HLA-DQB2: variants seen among roughly 807,000 people sequenced by gnomAD.
HLA-DQB2 encodes HLA class II histocompatibility antigen, DQ beta 2 chain.
In HLA-DQB2, 24 loss-of-function variants were observed where a neutral mutation model predicts 29.2. That is an observed-to-expected ratio of 0.82 (90% CI 0.60 to 1.16). The LOEUF (loss-of-function observed/expected upper bound fraction) is 1.16. Ranked by LOEUF, HLA-DQB2 falls within the 50% of genes most tolerant of loss-of-function variation. HLA-DQB2 has a pLI of 0.00. For synonymous variants in HLA-DQB2, 104 were observed against 133.1 expected, an observed-to-expected ratio of 0.78 and a Z score of 1.51; for missense variants, 273 against 343.6, an observed-to-expected ratio of 0.79 and a Z score of 1.62.
At chr6:32,760,987 T>C (rs1214690846) in intron 2 of HLA-DQB2, among the ~76,000 whole-genome samples, 1 of 152,242 alleles carries the variant, frequency 6.6e-6, no homozygotes, top group Non-Finnish European at 1.5e-5. Context: ...TAACAGAAGA[T>C]CATTGAGCTC....
chr6:32,757,380 A>C, intron 4 of HLA-DQB2, 76 bp from the exon 5 acceptor site: 2 of 1,074,692 alleles, frequency 1.9e-6, no homozygotes, highest in Non-Finnish European at 2.8e-6. Flanking sequence ...AAAATGACAC[A>C]TGTAGTTTAA....
chr6:32,756,558 A>C (rs753586408), intron 5 of HLA-DQB2, 92 bp from the exon 6 acceptor site: 13 of 1,531,330 alleles, frequency 8.5e-6, no homozygotes, highest in Non-Finnish European at 1.1e-5. Context: ...AGCATCAAAC[A>C]GAGGATGCTG....
At chr6:32,756,707 G>A in intron 5 of HLA-DQB2, 1 of 1,319,644 alleles carries the variant, frequency 7.6e-7, no homozygotes, top group Non-Finnish European at 9.6e-7. Context: ...AATATGAAGA[G>A]TTTGATTTTT....
At position 32,761,829 on chromosome 6, in the gene HLA-DQB2, G is replaced by T. The variant is rs751869503; in HGVS notation, c.195C>A (p.Tyr65Ter). Residue 65 changes from tyrosine (Y) to a stop codon, truncating the protein, a stop_gained, in exon 2 of 6, where the codon TAC (tyrosine) becomes TAA (stop). Transcript: ENST00000437316. LOFTEE classifies it high-confidence loss of function. ...CCCCAACGTCGCTGTCGAAGCGCCCGTACTCCTCGCGGTTATAGATGTATC... is the reference window on the plus strand; with the variant it reads ...CCCCAACGTCGCTGTCGAAGCGCCCTTACTCCTCGCGGTTATAGATGTATC... ...VARYIYNREEYGRFDSDVGEF... is the reference protein window; with the variant it reads ...VARYIYNREE 1 of 1,606,496 alleles carries T rather than the reference G, an allele frequency of 6.2e-7. No individual in the cohort carries two copies. Among genetic ancestry groups the T allele is most frequent in the Non-Finnish European group, 8.5e-7 (1 of 1,176,440 alleles).
In HLA-DQB2 at chr6:32,757,830, C is replaced by T. The variant is rs754178133; in HGVS notation, c.700G>A (p.Val234Met). The change falls in exon 4 of 6, where the codon GTG (valine) becomes ATG (methionine). Residue 234 changes from valine (V) to methionine (M), a missense_variant. By Grantham distance (21) the Val-to-Met change is conservative (BLOSUM62 1). Coordinates refer to ENST00000437316, the MANE Select transcript of HLA-DQB2 (RefSeq NM_001300790.2). ...AGCCCGAGGAAGATCAGCCCCAGCA[C>T]GAAGCCTCCAATGCCACTCAGCATC... ...SKMLSGIGGF[V>M]LGLIFLGLGL... The T allele has an allele frequency of 3.3e-5, 54 of 1,613,854 alleles. No homozygotes were observed. The highest frequency in any genetic ancestry group is 4.2e-5 in the Non-Finnish European group (49 of 1,179,906).
rs771509689 is a variant in HLA-DQB2, at chr6:32,759,121, T to C, written c.375A>G (p.Thr125=). The change falls in exon 3 of 6, where the codon ACA becomes ACG. Residue 125 remains threonine (T), a synonymous_variant. Transcript: ENST00000437316. ...CTGTCCTGGATGGGGAGATGGTCAC[T>C]GTGGGCTCCACTGAGGGCAGTAACA... ...RTTLQRQVEP[T]VTISPSRTEA... 2.5e-6 allele frequency: 4 copies of C among 1,613,464 alleles called. No individual in the cohort carries two copies. Among genetic ancestry groups the C allele is most frequent in the Non-Finnish European group, 2.5e-6 (3 of 1,179,858 alleles).
At chr6:32,761,987 C>G (rs1764885103) in intron 1 of HLA-DQB2, 61 bp from the exon 2 acceptor site, 2 of 1,558,938 alleles carry the variant, frequency 1.3e-6, no homozygotes, top group Admixed American at 3.8e-5. Flanking sequence ...AGCCCCCAGC[C>G]GGACCGCACC....
chr6:32,756,597 C>T, intron 5 of HLA-DQB2, 131 bp from the exon 6 acceptor site: 1 of 1,468,976 alleles, frequency 6.8e-7, no homozygotes, highest in Non-Finnish European at 9.0e-7. Context: ...CATCACGTTC[C>T]CCAATATCTG....
rs557758826 is a variant in HLA-DQB2, at chr6:32,761,782, A to G, written c.242T>C (p.Leu81Pro). 8 of 1,585,682 alleles carry G rather than the reference A, an allele frequency of 5.0e-6. No homozygotes were observed. In the South Asian group the frequency reaches 9.2e-5, roughly 18 times the overall value. ...DVGEFQAVTE[L>P]GRSIEDWNNY... ...GTTCCAGTCCTCGATGCTCCGCCCCAGCTCGGTCACCGCCTGGAACTCCCC... is the reference window on the plus strand; with the variant it reads ...GTTCCAGTCCTCGATGCTCCGCCCCGGCTCGGTCACCGCCTGGAACTCCCC... The change falls in exon 2 of 6, where the codon CTG becomes CCG. Residue 81 changes from leucine (L) to proline (P), a missense_variant. Transcript: ENST00000437316.
intron 4 of HLA-DQB2, 91 bp downstream of exon 4, chr6:32,757,682 G>A: frequency 8.9e-7 from 1 of 1,126,442 alleles, no homozygotes; most frequent in South Asian, 1.4e-5. Flanking sequence ...TCAGGGTAAG[G>A]AGGAAAGAGC....
chr6:32,756,909 A>G lies in HLA-DQB2; in HGVS notation c.781+372T>C, dbSNP rs186112208. 103 of 1,197,736 alleles carry G rather than the reference A, an allele frequency of 8.6e-5. 1 individual carries two copies. The East Asian group carries it at 3.9e-3, about 46-fold the overall frequency. 74.2% of individuals were successfully genotyped at this position (1,197,736 alleles called of 1,614,324 possible). A position where few individuals can be genotyped will look rare whatever the true frequency, so the allele number is the denominator to read the frequency against. On this transcript the variant is annotated intron_variant, in intron 5 of 5. Transcript: ENST00000437316. The stretch of plus-strand genomic sequence containing the variant: ...AAGTTAAGGCCTGGTTCTAGGAAAC[A>G]ATCTCTGGAGATTCGTAGAAACTGG...
In HLA-DQB2 at chr6:32,758,228, TGGAGGTAGAGCCTGGTG is replaced by T. The variant is rs144478123; in HGVS notation, c.647-362_647-346del. Among the ~76,000 whole-genome samples, 219 of 152,324 alleles carry T rather than the reference TGGAGGTAGAGCCTGGTG, an allele frequency of 1.4e-3. No homozygotes were observed. The East Asian group carries it at 0.022, about 16-fold the overall frequency. On this transcript the variant is annotated intron_variant, in intron 3 of 5. Coordinates refer to ENST00000437316, the MANE Select transcript of HLA-DQB2 (RefSeq NM_001300790.2). The stretch of plus-strand genomic sequence containing the variant: ...CATGTTCAATTGTAATTAACAATGT[TGGAGGTAGAGCCTGGTG>T]GGAGGTGACTGGATCATTAGACCAG...
rs746156224 is a variant in HLA-DQB2, at chr6:32,756,359, G to C, written c.*94C>G. The C allele has an allele frequency of 2.5e-6, 2 of 806,856 alleles. No homozygotes were observed. The highest frequency in any genetic ancestry group is 4.3e-6 in the Non-Finnish European group (2 of 465,278). The allele number at this position is 806,856 out of a possible 1,614,324, so 50.0% of individuals were successfully genotyped here. ...CCACTGTAGGACTCTGACCTCAGTGGGACAGGGTGACACAGGCAGCTAGGA... is the reference window on the plus strand; with the variant it reads ...CCACTGTAGGACTCTGACCTCAGTGCGACAGGGTGACACAGGCAGCTAGGA... On this transcript the variant is annotated 3_prime_UTR_variant, in exon 6 of 6. Coordinates refer to ENST00000437316, the MANE Select transcript of HLA-DQB2 (RefSeq NM_001300790.2).
At chr6:32,757,078 G>T in intron 5 of HLA-DQB2, 1 of 1,423,814 alleles carries the variant, frequency 7.0e-7, no homozygotes, top group South Asian at 1.5e-5. Flanking sequence ...GGAGTGCAGT[G>T]GCGCCATCTT....
rs150473207 is a variant in HLA-DQB2, at chr6:32,763,405, G to T, written c.66C>A (p.Ser22Arg). ...AAVTVMLVMLSTPVAEARDFP... is the reference protein window; with the variant it reads ...AAVTVMLVMLRTPVAEARDFP... Reference sequence around the variant, plus strand: ...AGTCTCTGGCCTCAGCCACTGGGGTGCTCAGCATCACCAGCATCACGGTCA... The same window carrying T: ...AGTCTCTGGCCTCAGCCACTGGGGTTCTCAGCATCACCAGCATCACGGTCA... Residue 22 changes from serine (S) to arginine (R), a missense_variant, in exon 1 of 6, where the codon AGC (serine) becomes AGA (arginine). Ser to Arg is a moderately radical substitution (Grantham distance 110). Transcript: ENST00000437316. 117 of 1,565,010 alleles carry T rather than the reference G, an allele frequency of 7.5e-5. No homozygotes were observed. The East Asian group carries it at 2.6e-3, about 34-fold the overall frequency.
At chr6:32,756,809 C>T in intron 5 of HLA-DQB2, 2 of 1,206,564 alleles carry the variant, frequency 1.7e-6, no homozygotes, top group Non-Finnish European at 2.1e-6. Flanking sequence ...AAATGTGGCA[C>T]AAAGTGGGCA....
Position 32,761,773 on chromosome 6 carries a change from C to A in HLA-DQB2, c.251G>T (p.Ser84Ile). The A allele has an allele frequency of 6.4e-7, 1 of 1,573,894 alleles. No individual in the cohort carries two copies. The highest frequency in any genetic ancestry group is 8.6e-7 in the Non-Finnish European group (1 of 1,160,326). The change falls in exon 2 of 6, where the codon AGC becomes ATC. Residue 84 changes from serine to isoleucine, a missense_variant. By Grantham distance (142) the Ser-to-Ile change is moderately radical (BLOSUM62 -2). Transcript: ENST00000437316. ...EFQAVTELGR[S>I]IEDWNNYKDF... ...CTTATAGTTGTTCCAGTCCTCGATG[C>A]TCCGCCCCAGCTCGGTCACCGCCTG...
At chr6:32,758,473 C>T (rs552808698) in intron 3 of HLA-DQB2, among the ~76,000 whole-genome samples, 1 of 152,346 alleles carries the variant, frequency 6.6e-6, no homozygotes, top group Non-Finnish European at 1.5e-5. Context: ...TATGCTTCCC[C>T]TACAGCCTCA....
chr6:32,761,285 G>C, intron 2 of HLA-DQB2, among the ~76,000 whole-genome samples: 1 of 143,592 alleles, frequency 7.0e-6, no homozygotes, highest in African/African-American at 2.5e-5. Context: ...GGGCGGACGG[G>C]CAGGGGAAGA....
Sources: gnomAD v4.1 joint callset for allele counts (sites outside exome capture counted in the v4.1 genomes callset) on GRCh38, gnomAD v4.1.1 for gene constraint, MANE v1.5 for transcripts, NCBI Gene and HGNC (gene_info 2026-07-23, HGNC 2026-07-21) for gene names.